Variants in LARGE1 observed in about 807,000 individuals in gnomAD.
LARGE1 encodes xylosyl- and glucuronyltransferase LARGE1.
LARGE1 carries 43 observed loss-of-function variants against 87.6 expected under a neutral mutation model. The observed-to-expected ratio is 0.49, with a 90% CI of 0.38 to 0.63. LARGE1 has a LOEUF of 0.63. Ranked by LOEUF, LARGE1 falls within the 30% of genes least tolerant of loss-of-function variation. LARGE1 has a pLI of 0.00. For synonymous variants in LARGE1, 434 were observed against 394.6 expected, an observed-to-expected ratio of 1.10 and a Z score of -1.18; for missense variants, 802 against 1,000.2, an observed-to-expected ratio of 0.80 and a Z score of 2.67.
intron 2 of LARGE1, among the ~76,000 whole-genome samples, chr22:33,719,055 C>T (rs1302160686): frequency 5.5e-4 from 84 of 152,138 alleles, no homozygotes; most frequent in Admixed American, 5.2e-3. Flanking sequence ...TCCCAAAGTG[C>T]TGGGATTACA....
At chr22:33,651,242 A>AAAAAAAAAAAAAAAAACAAAAAAAAAC (rs2080799831) in intron 2 of LARGE1, among the ~76,000 whole-genome samples, 1 of 144,924 alleles carries the variant, frequency 6.9e-6, no homozygotes, top group African/African-American at 2.5e-5. Flanking sequence ...AAAAAAAAAA[A>AAAAAAAAAAAAAAAAACAAAAAAAAAC]TTAGCCGGGC....
chr22:33,408,292 A>G (rs2066176534), intron 7 of LARGE1, among the ~76,000 whole-genome samples: 1 of 152,128 alleles, frequency 6.6e-6, no homozygotes, highest in Admixed American at 6.5e-5. Context: ...CCAAAGATAA[A>G]CATTTTTAAA....
intron 11 of LARGE1, among the ~76,000 whole-genome samples, chr22:33,304,933 G>A (rs1445470548): frequency 6.6e-6 from 1 of 152,168 alleles, no homozygotes; most frequent in Non-Finnish European, 1.5e-5. Context: ...AAGTTACAAG[G>A]AACGGTAAAA....
At chr22:33,532,351 G>A (rs748598073) in intron 6 of LARGE1, among the ~76,000 whole-genome samples, 1 of 152,162 alleles carries the variant, frequency 6.6e-6, no homozygotes, top group Non-Finnish European at 1.5e-5. Flanking sequence ...TTTTATACTT[G>A]TTTCTGTCCC....
chr22:33,222,032 CT>C (rs1390430639), intron 11 of LARGE1, among the ~76,000 whole-genome samples: 7 of 152,322 alleles, frequency 4.6e-5, no homozygotes, highest in African/African-American at 1.7e-4. Flanking sequence ...CCCTCCCTCT[CT>C]TTTCCTTCCT....
intron 1 of LARGE1, among the ~76,000 whole-genome samples, chr22:33,856,435 T>C (rs553180723): frequency 3.4e-4 from 52 of 152,244 alleles, no homozygotes; most frequent in African/African-American, 1.2e-3. Flanking sequence ...AAGTGATAAA[T>C]AGATCTACTG....
intron 9 of LARGE1, among the ~76,000 whole-genome samples, chr22:33,379,446 T>C (rs977270302): frequency 1.3e-5 from 2 of 152,046 alleles, no homozygotes; most frequent in Non-Finnish European, 2.9e-5. Context: ...CGGTGTGTGA[T>C]GTTCCCCACC....
intron 1 of LARGE1, chr22:33,856,640 T>C (rs1282800024): frequency 1.3e-5 from 2 of 152,202 alleles, no homozygotes; most frequent in Admixed American, 1.3e-4. Flanking sequence ...CCAAGCGAGG[T>C]AGCTTACTTC....
chr22:33,332,296 G>C (rs1937823112), intron 10 of LARGE1, among the ~76,000 whole-genome samples: 2 of 152,088 alleles, frequency 1.3e-5, no homozygotes, highest in African/African-American at 4.8e-5. Context: ...GGTTTTATAA[G>C]GGGAAACCCC....
intron 1 of LARGE1, among the ~76,000 whole-genome samples, chr22:33,872,160 A>C (rs1280295356): frequency 6.6e-6 from 1 of 151,874 alleles, no homozygotes; most frequent in Admixed American, 6.6e-5. Context: ...GTCACTCCAC[A>C]CACAGCACGC....
chr22:33,473,222 G>A (rs1463053309), intron 6 of LARGE1, among the ~76,000 whole-genome samples: 2 of 151,554 alleles, frequency 1.3e-5, no homozygotes, highest in African/African-American at 4.9e-5. Context: ...AGGCTGGAGT[G>A]CAATGGCGTG....
chr22:33,444,386 T>C (rs1223112873), intron 6 of LARGE1, among the ~76,000 whole-genome samples: 1 of 152,240 alleles, frequency 6.6e-6, no homozygotes, highest in African/African-American at 2.4e-5. Context: ...TTTTTCCCCT[T>C]ATAGTATTCC....
At chr22:33,845,866 T>C (rs1300032564) in intron 1 of LARGE1, among the ~76,000 whole-genome samples, 1 of 152,186 alleles carries the variant, frequency 6.6e-6, no homozygotes, top group Non-Finnish European at 1.5e-5. Context: ...TACTATCATC[T>C]TGGTCCTGAG....
chr22:33,507,972 TCTGA>T (rs1400937337), intron 6 of LARGE1, among the ~76,000 whole-genome samples: 5 of 152,230 alleles, frequency 3.3e-5, no homozygotes, highest in African/African-American at 4.8e-5. Context: ...TCCTTGCGTT[TCTGA>T]CTAACTTCCC....
chr22:33,285,485 G>A (rs1189532049), intron 12 of LARGE1, among the ~76,000 whole-genome samples: 2 of 152,094 alleles, frequency 1.3e-5, no homozygotes, highest in East Asian at 1.9e-4. Flanking sequence ...TTAGCCGGGC[G>A]TGGTGGGGGG....
chr22:33,297,552 G>A (rs904278712), intron 12 of LARGE1, among the ~76,000 whole-genome samples: 1 of 150,562 alleles, frequency 6.6e-6, no homozygotes, highest in African/African-American at 2.5e-5. Context: ...GGCAGAGGTT[G>A]CAGTGAGCCA....
chr22:33,641,721 G>A (rs751054861), intron 3 of LARGE1, among the ~76,000 whole-genome samples: 3 of 152,098 alleles, frequency 2.0e-5, no homozygotes, highest in South Asian at 2.1e-4. Flanking sequence ...AACACAGCAC[G>A]AGAACTTTGT....
At chr22:33,189,086 C>A (rs1272310455) in intron 11 of LARGE1, among the ~76,000 whole-genome samples, 1 of 152,108 alleles carries the variant, frequency 6.6e-6, no homozygotes, top group Non-Finnish European at 1.5e-5. Context: ...GTCAGGCAAC[C>A]CCCATATTGA....
At chr22:33,525,760 G>C (rs894717133) in intron 6 of LARGE1, among the ~76,000 whole-genome samples, 1 of 152,176 alleles carries the variant, frequency 6.6e-6, no homozygotes, top group Non-Finnish European at 1.5e-5. Flanking sequence ...TGTTTCACCT[G>C]TCTGGTTAGC....
Sources: allele counts gnomAD v4.1 joint callset (sites outside exome capture counted in the v4.1 genomes callset), GRCh38; gene constraint gnomAD v4.1.1; transcripts MANE v1.5; gene names NCBI Gene and HGNC (gene_info 2026-07-23, HGNC 2026-07-21).